Variants in RUFY3 observed in about 807,000 individuals in gnomAD.
RUFY3 encodes the protein RUN and FYVE domain containing 3, also known as protein RUFY3.
In RUFY3, 34 loss-of-function variants were observed where a neutral mutation model predicts 84.0. That is an observed-to-expected ratio of 0.40 (90% CI 0.31 to 0.54). RUFY3 has a LOEUF of 0.54. RUFY3 is among the 20% of genes least tolerant of loss of function. The probability of loss-of-function intolerance (pLI) is 0.39; values close to 1 mark genes in which losing one functional copy is unlikely to be tolerated. For synonymous variants in RUFY3, 242 were observed against 252.9 expected (o/e 0.96, Z 0.41); for missense variants, 507 against 736.8 (o/e 0.69, Z 3.61).
chr4:70,806,541 C>T lies in RUFY3; in HGVS notation c.1745C>T (p.Thr582Ile). The T allele has an allele frequency of 1.2e-6, 2 of 1,614,116 alleles. No homozygotes were observed. Among genetic ancestry groups the T allele is most frequent in the Non-Finnish European group, 1.7e-6 (2 of 1,179,988 alleles). ...TKNVCKNCSGTFCDACSTNEL... is the reference protein window; with the variant it reads ...TKNVCKNCSGIFCDACSTNEL... ...AATGTGTGTAAGAACTGCAGCGGAA[C>T]CTTCTGTGATGCCTGTTCAACAAAT... The change falls in exon 18 of 18, where the codon ACC (threonine) becomes ATC (isoleucine). Residue 582 changes from threonine to isoleucine, a missense_variant. This residue lies in a region of RUFY3 where 334 missense variants were observed against 364.1 expected (regional missense o/e 0.92). Coordinates refer to ENST00000381006, the MANE Select transcript of RUFY3 (RefSeq NM_001037442.4).
intron 2 of RUFY3, 79 bp from the exon 3 acceptor site, chr4:70,763,473 G>A: frequency 1.0e-6 from 1 of 976,394 alleles, no homozygotes; most frequent in Non-Finnish European, 1.5e-6. Context: ...GAAAAGTTGT[G>A]TGTGTATGTG....
At chr4:70,757,930 T>G (rs953209108) in intron 1 of RUFY3, among the ~76,000 whole-genome samples, 4 of 152,240 alleles carry the variant, frequency 2.6e-5, no homozygotes, top group Non-Finnish European at 5.9e-5. Context: ...TTTTAAAATT[T>G]TAAATCATTT....
intron 1 of RUFY3, among the ~76,000 whole-genome samples, chr4:70,737,467 C>T (rs922551147): frequency 6.6e-5 from 10 of 152,090 alleles, no homozygotes; most frequent in Non-Finnish European, 1.5e-4. Flanking sequence ...GTCCTGTGGA[C>T]AGCAGCTTCC....
At chr4:70,780,918 A>C (rs1728814369) in intron 8 of RUFY3, among the ~76,000 whole-genome samples, 1 of 152,074 alleles carries the variant, frequency 6.6e-6, no homozygotes, top group African/African-American at 2.4e-5. Context: ...GACGAGGCTC[A>C]TTAGTTCTGC....
intron 1 of RUFY3, among the ~76,000 whole-genome samples, chr4:70,758,898 G>A (rs7687137): frequency 0.054 from 8,284 of 152,026 alleles, 552 homozygotes; most frequent in African/African-American, 0.16. Flanking sequence ...AATTAGCCCA[G>A]CGTGGTGTGG....
At chr4:70,767,378 G>T (rs908558588) in intron 4 of RUFY3, among the ~76,000 whole-genome samples, 2 of 149,904 alleles carry the variant, frequency 1.3e-5, no homozygotes, top group East Asian at 3.9e-4. Context: ...CCAAAGTGCT[G>T]GGATTGCAGG....
At chr4:70,760,263 C>G (rs1724796201) in intron 1 of RUFY3, among the ~76,000 whole-genome samples, 1 of 152,176 alleles carries the variant, frequency 6.6e-6, no homozygotes. Context: ...ATCACTACTT[C>G]TGGAAAAATG....
intron 14 of RUFY3, 71 bp downstream of exon 14, chr4:70,794,965 T>G: frequency 2.0e-6 from 2 of 1,019,832 alleles, no homozygotes; most frequent in Non-Finnish European, 3.0e-6. Context: ...TTGATAGTCC[T>G]GTCAGTTTTC....
chr4:70,806,014 C>T (rs1732796574), intron 17 of RUFY3, among the ~76,000 whole-genome samples: 1 of 152,174 alleles, frequency 6.6e-6, no homozygotes, highest in Non-Finnish European at 1.5e-5. Context: ...GCTCCTGCTG[C>T]ATTGATAACC....
intron 1 of RUFY3, among the ~76,000 whole-genome samples, chr4:70,731,604 G>A (rs1384075436): frequency 1.3e-5 from 2 of 151,804 alleles, no homozygotes; most frequent in African/African-American, 2.4e-5. Context: ...GTTTCGTTCT[G>A]TTGCCCAGTC....
At position 70,733,507 on chromosome 4, in the gene RUFY3, G is replaced by A. The variant is rs1458752647; in HGVS notation, c.178+10756G>A. On this transcript the variant is annotated intron_variant, in intron 1 of 17. Coordinates refer to ENST00000381006, the MANE Select transcript of RUFY3 (RefSeq NM_001037442.4). ...CACCTATCCTAAGGAAATAATAAGA[G>A]ATACAAACAAAAAGTTTATGTATGT... Among the ~76,000 whole-genome samples, 4 of 152,008 alleles carry A rather than the reference G, an allele frequency of 2.6e-5. No homozygotes were observed. The East Asian group carries it at 7.7e-4, about 29-fold the overall frequency.
chr4:70,806,800 C>A lies in RUFY3; in HGVS notation c.*141C>A. 2 of 1,039,848 alleles carry A rather than the reference C, an allele frequency of 1.9e-6. No homozygotes were observed. Among genetic ancestry groups the A allele is most frequent in the Non-Finnish European group, 2.7e-6 (2 of 732,750 alleles). The allele number at this position is 1,039,848 out of a possible 1,614,324, so 64.4% of individuals were successfully genotyped here. ...ATTTACTAGGTCCAGGGAGAAAAGG[C>A]AGTGGTTGGGGTTACTGGAAATTTT... On this transcript the variant is annotated 3_prime_UTR_variant, in exon 18 of 18. Coordinates refer to ENST00000381006, the MANE Select transcript of RUFY3 (RefSeq NM_001037442.4).
intron 6 of RUFY3, among the ~76,000 whole-genome samples, chr4:70,774,614 CAAAAAAAAAAAAAAAAAAA>C (rs1172638290): frequency 2.3e-4 from 5 of 22,084 alleles, no homozygotes; most frequent in Admixed American, 9.9e-4. Context: ...GACTCTGCCT[CAAAAAAAAAAAAAAAAAAA>C]AAAAAAAAAA....
At chr4:70,730,428 AC>A (rs1719044129) in intron 1 of RUFY3, among the ~76,000 whole-genome samples, 1 of 151,764 alleles carries the variant, frequency 6.6e-6, no homozygotes, top group East Asian at 1.9e-4. Flanking sequence ...TACAACTATT[AC>A]CCCCAATTTA....
At chr4:70,796,827 C>G (rs1425002830) in intron 14 of RUFY3, among the ~76,000 whole-genome samples, 1 of 152,114 alleles carries the variant, frequency 6.6e-6, no homozygotes, top group Non-Finnish European at 1.5e-5. Flanking sequence ...TGTAAAGCAT[C>G]AATAATTTCA....
chr4:70,735,655 A>G (rs1720149918), intron 1 of RUFY3, among the ~76,000 whole-genome samples: 1 of 152,110 alleles, frequency 6.6e-6, no homozygotes, highest in Non-Finnish European at 1.5e-5. Flanking sequence ...AGCCTGGGCA[A>G]CATGGCAAAA....
exon 1 of RUFY3, chr4:70,705,254 C>T (rs1157181129): frequency 1.4e-6 from 2 of 1,447,724 alleles, no homozygotes; most frequent in Admixed American, 2.6e-5. Flanking sequence ...TGCTGAGCTA[C>T]CCGAGCGGCG....
rs6934 is a variant in RUFY3, at chr4:70,793,404, C to T, written c.1338-381C>T. 7.8e-4 allele frequency: 829 copies of T among 1,056,666 alleles called. 5 individuals are homozygous for T. In the African/African-American group the frequency reaches 0.013, roughly 16 times the overall value. 65.5% of individuals were successfully genotyped at this position (1,056,666 alleles called of 1,614,324 possible). ...TAAAACAGAAAAATTAAGTACCAAACCTATTAGGAAATTTTTTTAAAAAGT... is the reference window on the plus strand; with the variant it reads ...TAAAACAGAAAAATTAAGTACCAAATCTATTAGGAAATTTTTTTAAAAAGT... On this transcript the variant is annotated intron_variant, in intron 12 of 17. Transcript: ENST00000381006.
intron 7 of RUFY3, among the ~76,000 whole-genome samples, chr4:70,777,432 C>T (rs554819128): frequency 2.6e-5 from 4 of 152,206 alleles, no homozygotes; most frequent in East Asian, 1.9e-4. Context: ...TTGTAGTTCT[C>T]TTATGAAAAA....
Sources: gnomAD v4.1 joint callset for allele counts (sites outside exome capture counted in the v4.1 genomes callset) on GRCh38, gnomAD v4.1.1 for gene constraint, gnomAD v4.1.1 regional missense constraint, MANE v1.5 for transcripts, NCBI Gene and HGNC (gene_info 2026-07-23, HGNC 2026-07-21) for gene names.